The following WNT7A variants were observed in gnomAD, a reference collection of about 807,000 sequenced individuals.
WNT7A encodes protein Wnt-7a.
WNT7A carries 16 observed loss-of-function variants against 28.2 expected under a neutral mutation model. The ratio of observed to expected loss-of-function variants is 0.57; its 90% CI spans 0.38 to 0.86. WNT7A has a LOEUF of 0.86. Among genes scored for constraint, WNT7A ranks in the 40% least tolerant of loss-of-function variants. WNT7A has a pLI of 0.00. For missense variants in WNT7A, 411 were observed against 489.7 expected (o/e 0.84, Z 1.52); for synonymous variants, 190 against 195.9 (o/e 0.97, Z 0.25).
chr3:13,844,991 G>A (rs949691779), intron 3 of WNT7A, among the ~76,000 whole-genome samples: 5 of 152,148 alleles, frequency 3.3e-5, no homozygotes, highest in African/African-American at 1.2e-4. Context: ...AATTGTCCCC[G>A]GTGTGCGTCT....
At chr3:13,841,742 C>A (rs1042110727) in intron 3 of WNT7A, among the ~76,000 whole-genome samples, 1 of 152,208 alleles carries the variant, frequency 6.6e-6, no homozygotes, top group African/African-American at 2.4e-5. Context: ...GGCACTCTAA[C>A]TTTTCCCAGC....
intron 3 of WNT7A, among the ~76,000 whole-genome samples, chr3:13,826,477 T>C (rs1013141063): frequency 6.6e-6 from 1 of 151,900 alleles, no homozygotes; most frequent in Non-Finnish European, 1.5e-5. Flanking sequence ...GCATTTCAGA[T>C]TGGGAAACAG....
intron 2 of WNT7A, among the ~76,000 whole-genome samples, chr3:13,856,902 G>A (rs372446119): frequency 1.7e-3 from 94 of 56,796 alleles, no homozygotes; most frequent in African/African-American, 6.5e-3. Flanking sequence ...AAAAGAAGAA[G>A]AAGAAGAAGA....
At chr3:13,844,027 G>C (rs367650885) in intron 3 of WNT7A, among the ~76,000 whole-genome samples, 1 of 152,106 alleles carries the variant, frequency 6.6e-6, no homozygotes, top group African/African-American at 2.4e-5. Context: ...GATTATAGGC[G>C]GGAGCCACCG....
chr3:13,838,123 G>A (rs751395502), intron 3 of WNT7A, among the ~76,000 whole-genome samples: 1 of 151,992 alleles, frequency 6.6e-6, no homozygotes, highest in African/African-American at 2.4e-5. Flanking sequence ...CTGAGGGTGC[G>A]GTGGGGCCTC....
At chr3:13,847,542 C>T (rs565087349) in intron 3 of WNT7A, among the ~76,000 whole-genome samples, 4 of 152,256 alleles carry the variant, frequency 2.6e-5, no homozygotes, top group Admixed American at 2.0e-4. Context: ...GGCACTGTCC[C>T]GAGGCCACCG....
In WNT7A at chr3:13,850,436, C is replaced by A. The variant is rs906364612; in HGVS notation, c.570+4096G>T. Reference sequence around the variant, plus strand: ...GTGGGAATCCAGCTCCCAGGAGCACCCGGACCAGACGGGGCAGGGCAGGAA... The same window carrying A: ...GTGGGAATCCAGCTCCCAGGAGCACACGGACCAGACGGGGCAGGGCAGGAA... On this transcript the variant is annotated intron_variant, in intron 3 of 3. Transcript: ENST00000285018. Among the ~76,000 whole-genome samples, 4 of 152,232 alleles carry A rather than the reference C, an allele frequency of 2.6e-5. No homozygotes were observed. In the South Asian group the frequency reaches 6.2e-4, roughly 24 times the overall value.
intron 3 of WNT7A, among the ~76,000 whole-genome samples, chr3:13,828,662 G>A (rs1375856955): frequency 7.2e-5 from 11 of 152,198 alleles, no homozygotes; most frequent in Non-Finnish European, 1.6e-4. Context: ...AGGACCTCGA[G>A]GGCTGGAGCT....
intron 1 of WNT7A, 57 bp from the exon 2 acceptor site, chr3:13,875,230 G>T: frequency 6.3e-7 from 1 of 1,587,062 alleles, no homozygotes; most frequent in Non-Finnish European, 8.6e-7. Context: ...GCATGGCCTG[G>T]GAACCCTTCG....
chr3:13,862,398 C>T (rs182037131), intron 2 of WNT7A, among the ~76,000 whole-genome samples: 7 of 152,348 alleles, frequency 4.6e-5, no homozygotes, highest in Admixed American at 1.3e-4. Context: ...GGTGTATTTA[C>T]GGTATCTTAC....
chr3:13,829,166 G>A (rs1021426531), intron 3 of WNT7A, among the ~76,000 whole-genome samples: 7 of 152,320 alleles, frequency 4.6e-5, no homozygotes, highest in African/African-American at 1.4e-4. Flanking sequence ...AGACCTATGA[G>A]GCTGACAAGG....
chr3:13,853,954 G>A (rs1391895445), intron 3 of WNT7A, among the ~76,000 whole-genome samples: 1 of 152,154 alleles, frequency 6.6e-6, no homozygotes. Context: ...AGGGAGGAGG[G>A]AGCAGCTGGG....
At position 13,854,665 on chromosome 3, in the gene WNT7A, C is replaced by T. The variant is rs1694699966; in HGVS notation, c.437G>A (p.Gly146Asp). 6.2e-7 allele frequency: 1 copy of T among 1,614,046 alleles called. No homozygotes were observed. The highest frequency in any genetic ancestry group is 1.3e-5 in the African/African-American group (1 of 74,944). ...EKQGQYHRDEGWKWGGCSADI... is the reference protein window; with the variant it reads ...EKQGQYHRDEDWKWGGCSADI... The stretch of plus-strand genomic sequence containing the variant: ...GGCAGAGCAGCCACCCCACTTCCAG[C>T]CCTCGTCCCGGTGGTACTGGCCTTG... The change falls in exon 3 of 4, where the codon GGC (glycine) becomes GAC (aspartate). Residue 146 changes from glycine (G) to aspartate (D), a missense_variant. By Grantham distance (94) the Gly-to-Asp change is moderately conservative. Transcript: ENST00000285018.
chr3:13,868,580 G>GAA lies in WNT7A; in HGVS notation c.298+6366_298+6367insTT, dbSNP rs1207594272. Among the ~76,000 whole-genome samples, 30 of 19,386 alleles carry GAA rather than the reference G, an allele frequency of 1.5e-3. 3 individuals are homozygous for GAA. Among genetic ancestry groups the GAA allele is most frequent in the East Asian group, 5.0e-3 (2 of 404 alleles). The allele number at this position is 19,386 out of a possible 152,430, so 12.7% of individuals were successfully genotyped here. A position where few individuals can be genotyped will look rare whatever the true frequency, so the allele number is the denominator to read the frequency against. On this transcript the variant is annotated intron_variant, in intron 2 of 3. Coordinates refer to ENST00000285018, the MANE Select transcript of WNT7A (RefSeq NM_004625.4). Reference sequence around the variant, plus strand: ...GAAGGGGGAGAGAGAGAGAGAGAGAGAGAGAGAGAGGGAGAAAGAAAGAAA... The same window carrying GAA: ...GAAGGGGGAGAGAGAGAGAGAGAGAGAAAGAGAGAGAGGGAGAAAGAAAGAAA...
chr3:13,856,890 GAAA>G (rs1199514260), intron 2 of WNT7A, among the ~76,000 whole-genome samples: 1,781 of 68,024 alleles, frequency 0.026, 19 homozygotes, highest in African/African-American at 0.071. Flanking sequence ...GGAAGAAGAA[GAAA>G]AAGAAGAAGA....
intron 3 of WNT7A, among the ~76,000 whole-genome samples, chr3:13,823,674 G>A (rs1010894581): frequency 6.6e-6 from 1 of 152,226 alleles, no homozygotes; most frequent in Non-Finnish European, 1.5e-5. Flanking sequence ...AACTGCTAGA[G>A]TTTGCCATTT....
chr3:13,856,273 T>C (rs1299012696), intron 2 of WNT7A, among the ~76,000 whole-genome samples: 3 of 152,354 alleles, frequency 2.0e-5, no homozygotes, highest in African/African-American at 4.8e-5. Context: ...CTCCTTCTCC[T>C]GTCCGCATCT....
At chr3:13,857,349 G>A (rs1694762147) in intron 2 of WNT7A, among the ~76,000 whole-genome samples, 1 of 152,124 alleles carries the variant, frequency 6.6e-6, no homozygotes, top group South Asian at 2.1e-4. Flanking sequence ...CTGAGGCAGG[G>A]CCTTGGTAAA....
chr3:13,840,332 T>C (rs1388916171), intron 3 of WNT7A, among the ~76,000 whole-genome samples: 1 of 152,246 alleles, frequency 6.6e-6, no homozygotes, highest in African/African-American at 2.4e-5. Flanking sequence ...TATTCTATTA[T>C]TTGTTTGTTG....
Sources: allele counts gnomAD v4.1 joint callset (sites outside exome capture counted in the v4.1 genomes callset), GRCh38; gene constraint gnomAD v4.1.1; transcripts MANE v1.5; gene names NCBI Gene and HGNC (gene_info 2026-07-23, HGNC 2026-07-21).